The following USP53 variants were observed in gnomAD, a reference collection of about 807,000 sequenced individuals.
The protein encoded by USP53 is ubiquitin carboxyl-terminal hydrolase 53.
Under a neutral mutation model 94.9 loss-of-function variants are expected in USP53, and 71 were observed. That is an observed-to-expected ratio of 0.75 (90% confidence interval 0.62 to 0.91). The LOEUF is 0.91. USP53 is among the 40% of genes least tolerant of loss of function. USP53 has a pLI of 0.00. For missense variants in USP53, 1,173 were observed against 1,281.0 expected, an observed-to-expected ratio of 0.92 and a Z score of 1.29; for synonymous variants, 375 against 422.7, an observed-to-expected ratio of 0.89 and a Z score of 1.39.
At chr4:119,287,964 G>A (rs1253624421) in intron 17 of USP53, among the ~76,000 whole-genome samples, 1 of 152,114 alleles carries the variant, frequency 6.6e-6, no homozygotes, top group African/African-American at 2.4e-5. Context: ...TGTAAAAAGG[G>A]GAATTGTTTC....
intron 3 of USP53, among the ~76,000 whole-genome samples, chr4:119,233,767 C>T (rs956986859): frequency 6.6e-6 from 1 of 152,084 alleles, no homozygotes; most frequent in Admixed American, 6.6e-5. Flanking sequence ...GCCTTTCTTT[C>T]ATTGTGCTCA....
chr4:119,239,087 G>C (rs1047934324), intron 4 of USP53, 131 bp from the exon 5 acceptor site: 1 of 151,994 alleles, frequency 6.6e-6, no homozygotes, highest in Non-Finnish European at 1.5e-5. Flanking sequence ...ATTTATATTA[G>C]AATGCTATCA....
chr4:119,275,846 T>C (rs1247214566), intron 17 of USP53, among the ~76,000 whole-genome samples: 3 of 152,040 alleles, frequency 2.0e-5, no homozygotes. Context: ...AGGTATTTTA[T>C]TCTCTTTGAA....
At position 119,248,762 on chromosome 4, in the gene USP53, G is replaced by C; in HGVS notation, c.252G>C (p.Gln84His). ...TCGATTCCCAGACGATATTTGCACA[G>C]TTCCAACACAGTCGAGAAAAAGCAC... ...IFCALKTIFA[Q>H]FQHSREKALP... Residue 84 changes from glutamine (Q) to histidine (H), a missense_variant, in exon 7 of 19, where the codon CAG becomes CAC. By Grantham distance (24) the Gln-to-His change is conservative. Coordinates refer to ENST00000692078, the MANE Select transcript of USP53 (RefSeq NM_001371395.1). 1 of 1,613,772 alleles carries C rather than the reference G, an allele frequency of 6.2e-7. No individual in the cohort carries two copies. The highest frequency in any genetic ancestry group is 8.5e-7 in the Non-Finnish European group (1 of 1,179,984).
chr4:119,248,688 A>C, intron 6 of USP53, 60 bp from the exon 7 acceptor site: 2 of 1,569,094 alleles, frequency 1.3e-6, no homozygotes, highest in Non-Finnish European at 1.7e-6. Flanking sequence ...GTTGTAATGA[A>C]ATTACTGAAA....
chr4:119,260,114 T>G (rs961614748), intron 10 of USP53, among the ~76,000 whole-genome samples, 189 bp downstream of exon 10: 1 of 152,208 alleles, frequency 6.6e-6, no homozygotes, highest in Non-Finnish European at 1.5e-5. Context: ...ACTCCTAAGT[T>G]TGTGAAGCAT....
At chr4:119,258,168 A>G (rs1750013590) in intron 9 of USP53, among the ~76,000 whole-genome samples, 1 of 152,218 alleles carries the variant, frequency 6.6e-6, no homozygotes, top group South Asian at 2.1e-4. Flanking sequence ...TAATCTAGTA[A>G]GTGGATGAAT....
At chr4:119,216,409 T>C (rs967309046) in intron 2 of USP53, among the ~76,000 whole-genome samples, 5 of 152,236 alleles carry the variant, frequency 3.3e-5, no homozygotes, top group African/African-American at 9.6e-5. Flanking sequence ...TAAGTAGTTA[T>C]TTTTCTGAAA....
At chr4:119,221,601 G>A (rs1018435393) in intron 3 of USP53, 6 of 152,172 alleles carry the variant, frequency 3.9e-5, no homozygotes, top group Admixed American at 1.3e-4. Context: ...CCCAAGAGCT[G>A]GAACCACCAA....
intron 17 of USP53, among the ~76,000 whole-genome samples, chr4:119,280,295 T>C (rs1753362125): frequency 1.3e-5 from 2 of 152,170 alleles, no homozygotes; most frequent in African/African-American, 4.8e-5. Flanking sequence ...ACATTGCTTT[T>C]GATACTAGCC....
intron 17 of USP53, among the ~76,000 whole-genome samples, chr4:119,280,136 C>G (rs1001602405): frequency 1.3e-5 from 2 of 152,076 alleles, no homozygotes; most frequent in East Asian, 1.9e-4. Context: ...CCGTTTGCAG[C>G]CTTTTTTCAT....
At position 119,233,399 on chromosome 4, in the gene USP53, A is replaced by G. The variant is rs1304290180; in HGVS notation, c.-664-1891A>G. ...CATCCTGTTTTTATCTGAGTTTCTC[A>G]GTCTCTAATTCTGGCAAATTCTTAA... On this transcript the variant is annotated intron_variant, in intron 3 of 18. Coordinates refer to ENST00000692078, the MANE Select transcript of USP53 (RefSeq NM_001371395.1). 2.0e-5 allele frequency among the ~76,000 whole-genome samples: 3 copies of G among 152,066 alleles called. No homozygotes were observed. The South Asian group carries it at 6.2e-4, about 31-fold the overall frequency.
rs1257552447 is a variant in USP53 at position 119,291,257 on chromosome 4, A to G, written c.2344A>G (p.Lys782Glu). 1 of 1,571,086 alleles carries G rather than the reference A, an allele frequency of 6.4e-7. No homozygotes were observed. Among genetic ancestry groups the G allele is most frequent in the Non-Finnish European group, 8.6e-7 (1 of 1,158,454 alleles). ...TTTACAAATAAAAAATCATTTGATA[A>G]AAAGGTAACCATATTTTTTTTCCCT... ...SHLQIKNHLI[K>E]RSHVHEDNGK... Residue 782 changes from lysine to glutamate, a missense_variant, in exon 18 of 19, where the codon AAA (lysine) becomes GAA (glutamate). Lys to Glu is a moderately conservative substitution (Grantham distance 56). Coordinates refer to ENST00000692078, the MANE Select transcript of USP53 (RefSeq NM_001371395.1).
At chr4:119,226,298 T>C (rs1352480953) in intron 3 of USP53, among the ~76,000 whole-genome samples, 1 of 152,214 alleles carries the variant, frequency 6.6e-6, no homozygotes, top group African/African-American at 2.4e-5. Flanking sequence ...TTTGGCATTG[T>C]ACAGGACGTC....
At chr4:119,216,155 G>A (rs1743715429) in intron 2 of USP53, among the ~76,000 whole-genome samples, 1 of 152,060 alleles carries the variant, frequency 6.6e-6, no homozygotes, top group African/African-American at 2.4e-5. Flanking sequence ...TGAGGCAGGC[G>A]GATCACTTGA....
chr4:119,284,435 C>T (rs1753853055), intron 17 of USP53, among the ~76,000 whole-genome samples: 1 of 151,758 alleles, frequency 6.6e-6, no homozygotes, highest in Non-Finnish European at 1.5e-5. Context: ...AAATATCCAT[C>T]CCTAAACTGC....
intron 17 of USP53, among the ~76,000 whole-genome samples, chr4:119,288,598 T>C (rs1427525780): frequency 6.6e-6 from 1 of 152,152 alleles, no homozygotes; most frequent in African/African-American, 2.4e-5. Flanking sequence ...ATGGATACTT[T>C]ACTCATGCAT....
chr4:119,233,646 T>C (rs1036687881), intron 3 of USP53, among the ~76,000 whole-genome samples: 4 of 152,190 alleles, frequency 2.6e-5, no homozygotes, highest in African/African-American at 9.7e-5. Context: ...GGATTTTTTA[T>C]TTCAGCAGTT....
Position 119,271,904 on chromosome 4 carries a change from C to T in USP53, c.2044C>T (p.Gln682Ter), listed in dbSNP as rs777748867. 1.9e-6 allele frequency: 3 copies of T among 1,614,094 alleles called. No homozygotes were observed. The highest frequency in any genetic ancestry group is 2.2e-5 in the South Asian group (2 of 91,084). ...AGTGCATGGTGATAATTGGCAGATG[C>T]AAAGGACTGAGTCTGGATATGAAAG... The part of the protein sequence containing the change: ...GKVHGDNWQM[Q>*]RTESGYESSD... Residue 682 changes from glutamine to a stop codon, truncating the protein, a stop_gained, in exon 16 of 19, where the codon CAA (glutamine) becomes TAA (stop). Coordinates refer to ENST00000692078, the MANE Select transcript of USP53 (RefSeq NM_001371395.1). LOFTEE classifies it high-confidence loss of function.
Sources: gnomAD v4.1 joint callset for allele counts (sites outside exome capture counted in the v4.1 genomes callset) on GRCh38, gnomAD v4.1.1 for gene constraint, MANE v1.5 for transcripts, NCBI Gene and HGNC (gene_info 2026-07-23, HGNC 2026-07-21) for gene names.